Variants in EFCAB13 observed in about 807,000 individuals in gnomAD.
EFCAB13 encodes EF-hand calcium binding domain 13.
In EFCAB13, 91 loss-of-function variants were observed where a neutral mutation model predicts 110.2. The ratio of observed to expected loss-of-function variants is 0.83; its 90% CI spans 0.70 to 0.98. The LOEUF (loss-of-function observed/expected upper bound fraction) is 0.98. EFCAB13 is among the 50% of genes least tolerant of loss of function. The pLI is 0.00. For synonymous variants in EFCAB13, 323 were observed against 369.9 expected (o/e 0.87, Z 1.45); for missense variants, 968 against 1,119.4 (o/e 0.86, Z 1.93).
Position 47,394,028 on chromosome 17 carries a change from C to A in EFCAB13, c.1730C>A (p.Thr577Lys). Residue 577 changes from threonine to lysine, a missense_variant, in exon 16 of 25, where the codon ACA becomes AAA. By Grantham distance (78) the Thr-to-Lys change is moderately conservative (BLOSUM62 -1). Coordinates refer to ENST00000331493, the MANE Select transcript of EFCAB13 (RefSeq NM_152347.5). ...AATGTGTTTCTTTTTCCTGTAGAAA[C>A]AAAAAAAGTGAATTTTAAAGAATTC... ...KITELTEAGE[T>K]KKVNFKEFID... 6.5e-7 allele frequency: 1 copy of A among 1,532,808 alleles called. No homozygotes were observed. The highest frequency in any genetic ancestry group is 8.7e-7 in the Non-Finnish European group (1 of 1,144,126). 95.0% of individuals were successfully genotyped at this position (1,532,808 alleles called of 1,614,324 possible).
intron 9 of EFCAB13, among the ~76,000 whole-genome samples, chr17:47,359,204 C>T (rs1041693710): frequency 2.6e-5 from 4 of 152,066 alleles, no homozygotes; most frequent in African/African-American, 7.2e-5. Context: ...CATAGTGGTA[C>T]GTGTCTGTAG....
intron 24 of EFCAB13, among the ~76,000 whole-genome samples, chr17:47,436,103 C>G (rs1905208492): frequency 6.6e-6 from 1 of 152,120 alleles, no homozygotes; most frequent in South Asian, 2.1e-4. Flanking sequence ...TAAACTATCC[C>G]TGCATCCCTG....
chr17:47,403,939 C>G lies in EFCAB13; in HGVS notation c.2079C>G (p.Asn693Lys). The change falls in exon 19 of 25, where the codon AAC (asparagine) becomes AAG (lysine). Residue 693 changes from asparagine to lysine, a missense_variant. Transcript: ENST00000331493. The part of the protein sequence containing the change: ...LLEGDMIAGK[N>K]LEDFLRNVGI... ...AAGGTGACATGATAGCTGGGAAGAA[C>G]TTGGAAGACTTTCTAAGAAATGTTG... The G allele has an allele frequency of 6.2e-7, 1 of 1,609,638 alleles. No homozygotes were observed. Among genetic ancestry groups the G allele is most frequent in the Non-Finnish European group, 8.5e-7 (1 of 1,177,512 alleles).
At chr17:47,330,851 AC>A (rs1382603579) in intron 4 of EFCAB13, among the ~76,000 whole-genome samples, 4 of 151,810 alleles carry the variant, frequency 2.6e-5, no homozygotes, top group African/African-American at 9.7e-5. Context: ...CGATAGATCT[AC>A]CTTTATTTCT....
intron 5 of EFCAB13, among the ~76,000 whole-genome samples, chr17:47,337,974 G>C (rs1211830491): frequency 1.3e-5 from 2 of 152,192 alleles, no homozygotes; most frequent in Admixed American, 1.3e-4. Context: ...GTGAGACAGT[G>C]ACTCCTATCT....
At chr17:47,383,104 G>A (rs2065656099) in intron 14 of EFCAB13, among the ~76,000 whole-genome samples, 1 of 152,130 alleles carries the variant, frequency 6.6e-6, no homozygotes, top group African/African-American at 2.4e-5. Flanking sequence ...ATGGTAGTTT[G>A]TATTTCTATG....
chr17:47,421,705 C>T (rs2089644138), intron 23 of EFCAB13, among the ~76,000 whole-genome samples: 1 of 150,372 alleles, frequency 6.7e-6, no homozygotes, highest in Non-Finnish European at 1.5e-5. Context: ...ACAGCATACA[C>T]AGACATAAAA....
At chr17:47,389,308 T>A (rs1355126151) in intron 14 of EFCAB13, among the ~76,000 whole-genome samples, 1 of 152,198 alleles carries the variant, frequency 6.6e-6, no homozygotes, top group East Asian at 1.9e-4. Flanking sequence ...AATGCTGAGA[T>A]GGCAGGTGTG....
intron 20 of EFCAB13, 80 bp from the exon 21 acceptor site, chr17:47,409,567 C>A: frequency 9.7e-7 from 1 of 1,027,572 alleles, no homozygotes; most frequent in Non-Finnish European, 1.5e-6. Context: ...AGTATTCAAT[C>A]TATCCATTGG....
rs2065707309 is a variant in EFCAB13 at position 47,391,482 on chromosome 17, A to G, written c.1628A>G (p.Asn543Ser). ...GCCATTGATAAAATTAAAGATAAAA[A>G]TGTGGATTATGAGGATCTAAATACT... The part of the protein sequence containing the change: ...IKAIDKIKDK[N>S]VDYEDLNTCL... The change falls in exon 15 of 25, where the codon AAT (asparagine) becomes AGT (serine). Residue 543 changes from asparagine to serine, a missense_variant. Transcript: ENST00000331493. The G allele has an allele frequency of 6.3e-7, 1 of 1,587,814 alleles. No homozygotes were observed. Among genetic ancestry groups the G allele is most frequent in the African/African-American group, 1.4e-5 (1 of 73,702 alleles).
At chr17:47,355,937 AGCCTTTTCTTCAT>A (rs2065478415) in intron 9 of EFCAB13, among the ~76,000 whole-genome samples, 1 of 152,026 alleles carries the variant, frequency 6.6e-6, no homozygotes, top group African/African-American at 2.4e-5. Flanking sequence ...TTAATTAGAA[AGCCTTTTCTTCAT>A]GCTCTGAAGT....
intron 24 of EFCAB13, among the ~76,000 whole-genome samples, chr17:47,437,020 A>G (rs1905227996): frequency 6.6e-6 from 1 of 152,100 alleles, no homozygotes; most frequent in African/African-American, 2.4e-5. Flanking sequence ...TTTTGACCCA[A>G]TGCTCATTCA....
intron 23 of EFCAB13, among the ~76,000 whole-genome samples, chr17:47,418,811 T>A (rs1904536358): frequency 6.6e-6 from 1 of 152,212 alleles, no homozygotes; most frequent in Non-Finnish European, 1.5e-5. Flanking sequence ...ACATTGTTCT[T>A]TCTCCACTGA....
At chr17:47,346,504 AT>A (rs983567644) in intron 8 of EFCAB13, among the ~76,000 whole-genome samples, 1 of 127,878 alleles carries the variant, frequency 7.8e-6, no homozygotes, top group Non-Finnish European at 1.6e-5. Flanking sequence ...TAGGTTGGCT[AT>A]TGTGAATAGT....
At chr17:47,356,283 C>T (rs1018142268) in intron 9 of EFCAB13, among the ~76,000 whole-genome samples, 3 of 152,056 alleles carry the variant, frequency 2.0e-5, no homozygotes, top group African/African-American at 7.2e-5. Flanking sequence ...TGTCATATTA[C>T]CAGAATTGTT....
chr17:47,356,291 G>A (rs964220034), intron 9 of EFCAB13, among the ~76,000 whole-genome samples: 1 of 152,146 alleles, frequency 6.6e-6, no homozygotes, highest in African/African-American at 2.4e-5. Flanking sequence ...TACCAGAATT[G>A]TTTTTCTGAT....
At chr17:47,385,094 C>T (rs1194249593) in intron 14 of EFCAB13, among the ~76,000 whole-genome samples, 1 of 152,134 alleles carries the variant, frequency 6.6e-6, no homozygotes, top group East Asian at 1.9e-4. Flanking sequence ...CCATTTCAAC[C>T]GTGGAGAGTC....
chr17:47,384,423 A>G (rs1239693700), intron 14 of EFCAB13, among the ~76,000 whole-genome samples: 1 of 147,402 alleles, frequency 6.8e-6, no homozygotes, highest in Non-Finnish European at 1.5e-5. Flanking sequence ...TTTATATACG[A>G]CTGTTTTTTT....
chr17:47,440,355 C>A, intron 24 of EFCAB13, 76 bp from the exon 25 acceptor site: 1 of 1,374,940 alleles, frequency 7.3e-7, no homozygotes, highest in South Asian at 1.6e-5. Context: ...TATAATTTGA[C>A]TATTAGCTTC....
Sources: gnomAD v4.1 joint callset for allele counts (sites outside exome capture counted in the v4.1 genomes callset) on GRCh38, gnomAD v4.1.1 for gene constraint, MANE v1.5 for transcripts, NCBI Gene and HGNC (gene_info 2026-07-23, HGNC 2026-07-21) for gene names.